Variants in FIS1 observed in about 807,000 individuals in gnomAD.
The protein encoded by FIS1 is mitochondrial fission 1 protein.
Under a neutral mutation model 21.6 loss-of-function variants are expected in FIS1, and 16 were observed. The ratio of observed to expected loss-of-function variants is 0.74; its 90% CI spans 0.50 to 1.12. The LOEUF (loss-of-function observed/expected upper bound fraction) is 1.12. Ranked by LOEUF, FIS1 falls within the 50% of genes most tolerant of loss-of-function variation. FIS1 has a pLI of 0.00. For missense variants in FIS1, 198 were observed against 190.9 expected (o/e 1.04, Z -0.22); for synonymous variants, 92 against 82.2 (o/e 1.12, Z -0.65).
intron 3 of FIS1, 30 bp downstream of exon 3, chr7:101,240,800 A>G: frequency 6.2e-7 from 1 of 1,607,876 alleles, no homozygotes; most frequent in Non-Finnish European, 8.5e-7. Flanking sequence ...GCCCCAGAGG[A>G]GGGTGAAGGG....
chr7:101,240,971 CCA>C, intron 2 of FIS1, 65 bp from the exon 3 acceptor site: 1 of 1,505,270 alleles, frequency 6.6e-7, no homozygotes, highest in Middle Eastern at 1.8e-4. Context: ...ATACTGTGTC[CCA>C]GAGGCCCCTT....
chr7:101,239,952 C>G (rs751027911), intron 4 of FIS1, 49 bp from the exon 5 acceptor site: 1 of 1,524,362 alleles, frequency 6.6e-7, no homozygotes, highest in Non-Finnish European at 8.9e-7. Context: ...TGCGGAAACC[C>G]TGACCGTCCC....
At chr7:101,240,311 T>A in intron 3 of FIS1, 64 bp from the exon 4 acceptor site, 2 of 1,536,572 alleles carry the variant, frequency 1.3e-6, no homozygotes, top group Non-Finnish European at 1.8e-6. Context: ...GTTTGTTTTT[T>A]AATAAGAGAC....
intron 1 of FIS1, chr7:101,244,748 G>T: frequency 1.7e-6 from 1 of 597,312 alleles, no homozygotes; most frequent in Non-Finnish European, 3.0e-6. Flanking sequence ...GTAGTCTGAG[G>T]TGTGGGGGGC....
chr7:101,243,625 A>G (rs1657982404), intron 2 of FIS1, among the ~76,000 whole-genome samples: 1 of 152,224 alleles, frequency 6.6e-6, no homozygotes, highest in African/African-American at 2.4e-5. Flanking sequence ...TTTGTAGGAC[A>G]GTCCTCTGTA....
intron 3 of FIS1, 80 bp downstream of exon 3, chr7:101,240,750 C>T (rs2116847860): frequency 7.1e-7 from 1 of 1,415,870 alleles, no homozygotes; most frequent in East Asian, 2.3e-5. Flanking sequence ...TCCCGCTGTC[C>T]AGGGCTCCAC....
At position 101,240,850 on chromosome 7, in the gene FIS1, C is replaced by T. The variant is rs768025810; in HGVS notation, c.235G>A (p.Val79Met). 8 of 1,613,958 alleles carry T rather than the reference C, an allele frequency of 5.0e-6. No homozygotes were observed. Among genetic ancestry groups the T allele is most frequent in the Admixed American group, 3.3e-5 (2 of 60,010 alleles). The change falls in exon 3 of 5, where the codon GTG becomes ATG. Residue 79 changes from valine (V) to methionine (M), a missense_variant. Coordinates refer to ENST00000223136, the MANE Select transcript of FIS1 (RefSeq NM_016068.3). ...EQRDYVFYLA[V>M]GNYRLKEYEK... ...CTCACCTTGAGCCGGTAGTTCCCCA[C>T]GGCCAGGTAGAAGACGTAATCCCGC... is the stretch of plus-strand genomic sequence containing the variant.
At chr7:101,243,732 C>G in intron 2 of FIS1, among the ~76,000 whole-genome samples, 1 of 152,208 alleles carries the variant, frequency 6.6e-6, no homozygotes, top group East Asian at 1.9e-4. Flanking sequence ...AAAACAGGAG[C>G]TTCTAGTCCC....
chr7:101,242,072 T>TG (rs1442008493), intron 2 of FIS1, among the ~76,000 whole-genome samples: 1 of 152,160 alleles, frequency 6.6e-6, no homozygotes, highest in Non-Finnish European at 1.5e-5. Context: ...CCCAAGTAGC[T>TG]GGGACTATAA....
chr7:101,243,851 C>T (rs1562908731), intron 2 of FIS1, among the ~76,000 whole-genome samples, 156 bp downstream of exon 2: 1 of 152,136 alleles, frequency 6.6e-6, no homozygotes, highest in Non-Finnish European at 1.5e-5. Context: ...CAATGGTGGG[C>T]GGTAAGTAGC....
chr7:101,239,521 G>C lies in FIS1; in HGVS notation c.*285C>G, dbSNP rs980206584. On this transcript the variant is annotated 3_prime_UTR_variant, in exon 5 of 5. Transcript: ENST00000223136. ...ACAAAGAACCCCGTGCCAACCTGGA[G>C]GGCAGGGGCAGGAGAGGACCAGGAG... 2 of 495,966 alleles carry C rather than the reference G, an allele frequency of 4.0e-6. No homozygotes were observed. The highest frequency in any genetic ancestry group is 7.4e-6 in the Non-Finnish European group (2 of 268,886). 30.7% of individuals were successfully genotyped at this position (495,966 alleles called of 1,614,324 possible).
Position 101,245,020 on chromosome 7 carries a change from G to A in FIS1, c.-16C>T, listed in dbSNP as rs1371492533. ...CGGCCTCCATGGCCACTGCCCCCGC[G>A]AGCCTCACACTACAGTCTACTGTGC... On this transcript the variant is annotated 5_prime_UTR_variant, in exon 1 of 5. Transcript: ENST00000223136. 4 of 1,613,642 alleles carry A rather than the reference G, an allele frequency of 2.5e-6. No homozygotes were observed. Among genetic ancestry groups the A allele is most frequent in the South Asian group, 1.1e-5 (1 of 91,010 alleles).
rs1049867800 is a variant in FIS1, at chr7:101,244,086, G to A, written c.99C>T (p.Ser33=). ...GGCACCAGGCGTACTCAAACTGCGT[G>A]CTCTTGGACACCGAGCCTGCTGCCT... ...SEKAAGSVSK[S]TQFEYAWCLV... The change falls in exon 2 of 5, where the codon AGC becomes AGT. Residue 33 remains serine (S), a synonymous_variant. Coordinates refer to ENST00000223136, the MANE Select transcript of FIS1 (RefSeq NM_016068.3). The A allele has an allele frequency of 1.1e-5, 18 of 1,614,088 alleles. No individual in the cohort carries two copies. The highest frequency in any genetic ancestry group is 1.5e-5 in the Non-Finnish European group (18 of 1,179,974).
intron 2 of FIS1, 101 bp from the exon 3 acceptor site, chr7:101,241,007 T>A: frequency 8.7e-7 from 1 of 1,151,802 alleles, no homozygotes; most frequent in Non-Finnish European, 1.3e-6. Context: ...GCCTCTGTGA[T>A]CCTGGGAGGG....
intron 4 of FIS1, 96 bp from the exon 5 acceptor site, chr7:101,239,999 C>A: frequency 7.0e-7 from 1 of 1,423,220 alleles, no homozygotes; most frequent in East Asian, 2.4e-5. Context: ...AGGCACACCC[C>A]TACCTGGAGT....
chr7:101,241,245 G>A (rs1466257852), intron 2 of FIS1: 8 of 251,188 alleles, frequency 3.2e-5, no homozygotes, highest in Non-Finnish European at 4.6e-5. Context: ...TTTTTCAGAC[G>A]GAGTTTCACT....
chr7:101,239,957 C>T (rs919522851), intron 4 of FIS1, 54 bp from the exon 5 acceptor site: 7 of 1,502,232 alleles, frequency 4.7e-6, no homozygotes, highest in Admixed American at 1.9e-5. Context: ...AAACCCTGAC[C>T]GTCCCCTTCC....
Position 101,239,733 on chromosome 7 carries a change from G to A in FIS1, c.*73C>T, listed in dbSNP as rs906300904. On this transcript the variant is annotated 3_prime_UTR_variant, in exon 5 of 5. Coordinates refer to ENST00000223136, the MANE Select transcript of FIS1 (RefSeq NM_016068.3). ...ACAGAGGATAGAGACGGGGGGCAGG[G>A]GGAGAACAGGGAAAGGACAGCGAGG... The A allele has an allele frequency of 1.6e-6, 2 of 1,270,212 alleles. No individual in the cohort carries two copies. Among genetic ancestry groups the A allele is most frequent in the Non-Finnish European group, 2.2e-6 (2 of 889,574 alleles). The allele number at this position is 1,270,212 out of a possible 1,614,324, so 78.7% of individuals were successfully genotyped here. A position where few individuals can be genotyped will look rare whatever the true frequency, so the allele number is the denominator to read the frequency against.
chr7:101,241,566 T>A (rs1798748914), intron 2 of FIS1: 1 of 149,646 alleles, frequency 6.7e-6, no homozygotes, highest in Admixed American at 6.7e-5. Context: ...CCTCCCCCTT[T>A]AAAAAAATCA....
Sources: allele counts gnomAD v4.1 joint callset (sites outside exome capture counted in the v4.1 genomes callset), GRCh38; gene constraint gnomAD v4.1.1; transcripts MANE v1.5; gene names NCBI Gene and HGNC (gene_info 2026-07-23, HGNC 2026-07-21).